Variants in ERP44 observed in about 807,000 individuals in gnomAD.
ERP44 encodes endoplasmic reticulum resident protein 44.
In ERP44, 25 loss-of-function variants were observed where a neutral mutation model predicts 53.4. That is an observed-to-expected ratio of 0.47 (90% CI 0.34 to 0.65). The LOEUF (loss-of-function observed/expected upper bound fraction) is 0.65. ERP44 is among the 30% of genes least tolerant of loss of function. The pLI is 0.01. For synonymous variants in ERP44, 145 were observed against 161.2 expected (o/e 0.90, Z 0.76); for missense variants, 338 against 493.2 (o/e 0.69, Z 2.98).
intron 4 of ERP44, among the ~76,000 whole-genome samples, chr9:100,028,600 A>G (rs1317347445): frequency 6.6e-6 from 1 of 152,232 alleles, no homozygotes; most frequent in African/African-American, 2.4e-5. Flanking sequence ...CACTATTAAC[A>G]TTTTGGCTTA....
At chr9:100,067,928 G>C (rs539343676) in intron 1 of ERP44, among the ~76,000 whole-genome samples, 15 of 149,218 alleles carry the variant, frequency 1.0e-4, no homozygotes, top group South Asian at 2.1e-4. Flanking sequence ...CAACCACCCC[G>C]TCTGGGAAGT....
At chr9:99,996,093 T>A (rs1042725568) in intron 10 of ERP44, among the ~76,000 whole-genome samples, 2 of 152,164 alleles carry the variant, frequency 1.3e-5, no homozygotes, top group African/African-American at 4.8e-5. Flanking sequence ...ATATGGTTGG[T>A]TTGTCTCCAC....
intron 4 of ERP44, among the ~76,000 whole-genome samples, chr9:100,029,958 C>T (rs530611569): frequency 7.2e-5 from 11 of 152,078 alleles, no homozygotes; most frequent in African/African-American, 1.7e-4. Context: ...CGTGGTGGTG[C>T]GCACCTGTAG....
chr9:100,043,288 A>G (rs1825930569), intron 4 of ERP44, among the ~76,000 whole-genome samples: 1 of 147,422 alleles, frequency 6.8e-6, no homozygotes, highest in Admixed American at 6.8e-5. Context: ...AAAAAAAAAA[A>G]AAAGATAAAT....
At chr9:100,077,842 T>A (rs983838455) in intron 1 of ERP44, among the ~76,000 whole-genome samples, 5 of 152,168 alleles carry the variant, frequency 3.3e-5, no homozygotes, top group South Asian at 2.1e-4. Context: ...GGAGATCTGT[T>A]AGGGTGTCTC....
chr9:100,035,418 G>GT (rs1217355879), intron 4 of ERP44, among the ~76,000 whole-genome samples: 3 of 152,200 alleles, frequency 2.0e-5, no homozygotes, highest in African/African-American at 7.2e-5. Context: ...GCAAAGGCCT[G>GT]TAATCCCAGC....
intron 4 of ERP44, among the ~76,000 whole-genome samples, chr9:100,032,175 T>C (rs1453332859): frequency 6.6e-6 from 1 of 152,150 alleles, no homozygotes; most frequent in Non-Finnish European, 1.5e-5. Flanking sequence ...GGGGGATCTA[T>C]TTTGCATTCC....
At chr9:99,995,920 C>CTTTTTTTTT (rs34632626) in intron 10 of ERP44, among the ~76,000 whole-genome samples, 24 of 121,396 alleles carry the variant, frequency 2.0e-4, no homozygotes, top group East Asian at 4.9e-4. Context: ...TAGGGTAGTT[C>CTTTTTTTTT]TTTTTTTTTT....
At position 100,018,386 on chromosome 9, in the gene ERP44, A is replaced by G. The variant is rs77638227; in HGVS notation, c.588-73T>C. On this transcript the variant is annotated intron_variant, in intron 6 of 11. Transcript: ENST00000262455. ...AATGTAGGAATTACAGACTTGAAATATATACTTATCCATCATCTTCCCTAT... is the reference window on the plus strand; with the variant it reads ...AATGTAGGAATTACAGACTTGAAATGTATACTTATCCATCATCTTCCCTAT... The G allele has an allele frequency of 6.0e-4, 517 of 858,476 alleles. 6 individuals carry two copies. In the East Asian group the frequency reaches 0.012, roughly 20 times the overall value. The allele number at this position is 858,476 out of a possible 1,614,324, so 53.2% of individuals were successfully genotyped here.
At chr9:100,091,846 A>C (rs893897275) in intron 1 of ERP44, among the ~76,000 whole-genome samples, 3 of 152,314 alleles carry the variant, frequency 2.0e-5, no homozygotes, top group Middle Eastern at 3.4e-3. Context: ...GGTGATCTAA[A>C]AGGTCTCATA....
At chr9:100,035,455 C>T (rs1416949082) in intron 4 of ERP44, among the ~76,000 whole-genome samples, 1 of 152,160 alleles carries the variant, frequency 6.6e-6, no homozygotes, top group Non-Finnish European at 1.5e-5. Context: ...GTGGATGGAT[C>T]ACCTGAGGTC....
At chr9:100,067,844 C>A (rs180947570) in intron 1 of ERP44, among the ~76,000 whole-genome samples, 2,196 of 151,880 alleles carry the variant, frequency 0.014, 52 homozygotes, top group African/African-American at 0.05. Context: ...TGCCTGGCCG[C>A]CCCGTCTGAG....
chr9:100,064,684 C>T (rs1021156423), intron 1 of ERP44, among the ~76,000 whole-genome samples: 5 of 152,132 alleles, frequency 3.3e-5, no homozygotes, highest in Admixed American at 1.3e-4. Context: ...TAATGAGAGG[C>T]TACATATATG....
At chr9:100,076,591 T>C (rs1183682878) in intron 1 of ERP44, among the ~76,000 whole-genome samples, 1 of 152,200 alleles carries the variant, frequency 6.6e-6, no homozygotes, top group African/African-American at 2.4e-5. Flanking sequence ...GCACTTTGCA[T>C]GGAAGGAGAA....
intron 7 of ERP44, among the ~76,000 whole-genome samples, chr9:100,017,902 G>A (rs980064125): frequency 1.4e-4 from 22 of 152,266 alleles, no homozygotes; most frequent in African/African-American, 5.1e-4. Flanking sequence ...TACAATACGG[G>A]TAGAAGTGAC....
intron 4 of ERP44, among the ~76,000 whole-genome samples, chr9:100,034,600 A>C (rs1564094435): frequency 6.6e-6 from 1 of 152,220 alleles, no homozygotes; most frequent in Admixed American, 6.5e-5. Flanking sequence ...AAAGAAAAAG[A>C]AAAAGAAATA....
chr9:99,992,666 C>G (rs532342994), intron 10 of ERP44, among the ~76,000 whole-genome samples: 176 of 152,086 alleles, frequency 1.2e-3, no homozygotes, highest in Middle Eastern at 3.4e-3. Flanking sequence ...GTTCTGGCCA[C>G]GGCAATCAGG....
At chr9:100,000,125 G>C (rs1268620521) in intron 10 of ERP44, among the ~76,000 whole-genome samples, 2 of 152,060 alleles carry the variant, frequency 1.3e-5, no homozygotes, top group Non-Finnish European at 2.9e-5. Flanking sequence ...GTCTGACTTT[G>C]AATGTGTTTA....
chr9:100,032,767 G>T (rs990776545), intron 4 of ERP44, among the ~76,000 whole-genome samples: 5 of 152,150 alleles, frequency 3.3e-5, no homozygotes, highest in African/African-American at 1.2e-4. Flanking sequence ...TCAGAAGGTG[G>T]TTTTATAATC....
Sources: gnomAD v4.1 joint callset for allele counts (sites outside exome capture counted in the v4.1 genomes callset) on GRCh38, gnomAD v4.1.1 for gene constraint, MANE v1.5 for transcripts, NCBI Gene and HGNC (gene_info 2026-07-23, HGNC 2026-07-21) for gene names.